Variants in GAREM2 observed in about 807,000 individuals in gnomAD.
GAREM2 encodes the protein GRB2 associated regulator of MAPK1 subtype 2.
In GAREM2, 30 loss-of-function variants were observed where a neutral mutation model predicts 55.6. That is an observed-to-expected ratio of 0.54 (90% CI 0.40 to 0.73). GAREM2 has a LOEUF of 0.73. Ranked by LOEUF, GAREM2 falls within the 30% of genes least tolerant of loss-of-function variation. GAREM2 has a pLI of 0.00. For missense variants in GAREM2, 1,075 were observed against 1,257.7 expected (o/e 0.85, Z 2.20); for synonymous variants, 550 against 569.1 (o/e 0.97, Z 0.48).
At position 26,185,835 on chromosome 2, in the gene GAREM2, C is replaced by T. The variant is rs925581719; in HGVS notation, c.1429-354C>T. On this transcript the variant is annotated intron_variant, in intron 4 of 5. Transcript: ENST00000401533. ...TGGCAGACGCTTCCTTCCCTCTGTC[C>T]CTTCGGCTTTCCTTTGTCCTCTGCT... Among the ~76,000 whole-genome samples the T allele has an allele frequency of 3.9e-5, 6 of 152,302 alleles. No homozygotes were observed. In the South Asian group the frequency reaches 1.2e-3, roughly 32 times the overall value.
intron 2 of GAREM2, among the ~76,000 whole-genome samples, chr2:26,180,071 G>A (rs1574588410): frequency 6.6e-6 from 1 of 152,146 alleles, no homozygotes; most frequent in East Asian, 1.9e-4. Flanking sequence ...GCCCTCTAGG[G>A]CTGTGGCACT....
chr2:26,194,728 T>A, the GAREM2 span: 86 of 863,816 alleles, frequency 1.0e-4, no homozygotes, highest in Admixed American at 1.5e-4. Flanking sequence ...TTCAAAGTCA[T>A]TTGAAAGTCA....
the GAREM2 span, among the ~76,000 whole-genome samples, chr2:26,200,692 T>C: frequency 6.6e-6 from 1 of 152,154 alleles, no homozygotes; most frequent in Non-Finnish European, 1.5e-5. Context: ...ATATGCAGTG[T>C]GCATGAGCAC....
chr2:26,202,167 C>T, the GAREM2 span, among the ~76,000 whole-genome samples: 2 of 152,154 alleles, frequency 1.3e-5, no homozygotes, highest in East Asian at 1.9e-4. Flanking sequence ...ACTTCCCACT[C>T]ATTACCTAGT....
At chr2:26,182,613 C>T in intron 2 of GAREM2, 1 of 942,176 alleles carries the variant, frequency 1.1e-6, no homozygotes, top group South Asian at 1.5e-5. Flanking sequence ...GAGCCAGCAT[C>T]CCGGTACCAC....
At position 26,176,475 on chromosome 2, in the gene GAREM2, C is replaced by A; in HGVS notation, c.244C>A (p.Gln82Lys). The A allele has an allele frequency of 6.5e-7, 1 of 1,546,968 alleles. No individual in the cohort carries two copies. The highest frequency in any genetic ancestry group is 8.7e-7 in the Non-Finnish European group (1 of 1,144,370). ...VIGPKIDIPL[Q>K]YPGKFKLLEQ... The stretch of plus-strand genomic sequence containing the variant: ...CGGGCCCAAGATCGACATCCCCCTG[C>A]AGTACCCAGGTGTGTCCAGCCAGGA... Residue 82 changes from glutamine (Q) to lysine (K), a missense_variant, in exon 2 of 6, where the codon CAG becomes AAG. This residue lies in a region of GAREM2 where 230 missense variants were observed against 310.6 expected (regional missense o/e 0.74). Coordinates refer to ENST00000401533, the MANE Select transcript of GAREM2 (RefSeq NM_001168241.2).
downstream of GAREM2, among the ~76,000 whole-genome samples, chr2:26,192,606 T>TA (rs1669541869): frequency 6.6e-6 from 1 of 151,906 alleles, no homozygotes; most frequent in Non-Finnish European, 1.5e-5. Context: ...GCCAACATGG[T>TA]GAAACCCCAT....
downstream of GAREM2, chr2:26,190,861 G>C (rs886055860): frequency 3.2e-6 from 1 of 312,852 alleles, no homozygotes; most frequent in Non-Finnish European, 6.1e-6. Flanking sequence ...AAACCAGAAG[G>C]GCAAAGATGC....
the GAREM2 span, among the ~76,000 whole-genome samples, chr2:26,196,165 G>C: frequency 6.6e-6 from 1 of 152,136 alleles, no homozygotes; most frequent in African/African-American, 2.4e-5. Context: ...AGGAAAAAAG[G>C]TATCAAGAGG....
rs889078345 is a variant in GAREM2 at position 26,187,535 on chromosome 2, G to C, written c.1903G>C (p.Gly635Arg). ...APFGALNPFS[G>R]PAYPSGPSAA... ...GTTTGGAGCTCTCAACCCTTTTTCC[G>C]GGCCTGCCTACCCCTCAGGCCCTTC... is the stretch of plus-strand genomic sequence containing the variant. Residue 635 changes from glycine (G) to arginine (R), a missense_variant, in exon 6 of 6, where the codon GGG becomes CGG. Gly to Arg is a moderately radical substitution (Grantham distance 125, BLOSUM62 -2). Transcript: ENST00000401533. The C allele has an allele frequency of 7.8e-6, 12 of 1,534,176 alleles. No homozygotes were observed. Among genetic ancestry groups the C allele is most frequent in the Non-Finnish European group, 1.1e-5 (12 of 1,139,690 alleles).
chr2:26,203,923 G>C, the GAREM2 span: 2 of 858,214 alleles, frequency 2.3e-6, no homozygotes, highest in African/African-American at 1.7e-5. Flanking sequence ...GGAGTATCTA[G>C]AACTCATTAT....
rs1668980394 is a variant in GAREM2, at chr2:26,179,689, A to G, written c.253+3205A>G. Among the ~76,000 whole-genome samples, 1 of 152,014 alleles carries G rather than the reference A, an allele frequency of 6.6e-6. No homozygotes were observed. The highest frequency in any genetic ancestry group is 1.5e-5 in the Non-Finnish European group (1 of 67,990). On this transcript the variant is annotated intron_variant, in intron 2 of 5. Coordinates refer to ENST00000401533, the MANE Select transcript of GAREM2 (RefSeq NM_001168241.2). This position sits in a 1 kb window ranked among gnomAD's most constrained non-coding sequence, Gnocchi z 4.7. ...CCGCCCCTGGGCTGGCGGGGAGGAA[A>G]AGGCTTCCAGGGTCCAGAGCATCAC...
downstream of GAREM2, among the ~76,000 whole-genome samples, chr2:26,192,019 A>G (rs1669521405): frequency 6.6e-6 from 1 of 152,188 alleles, no homozygotes; most frequent in Non-Finnish European, 1.5e-5. Flanking sequence ...CCTTCACCAG[A>G]CGTGGCCTGG....
chr2:26,173,382 G>A (rs1256533311), intron 1 of GAREM2, 50 bp downstream of exon 1: 2 of 1,094,700 alleles, frequency 1.8e-6, no homozygotes, highest in East Asian at 6.5e-5. Flanking sequence ...GAAATGGTGG[G>A]CTCTCCAGCC....
rs1484475515 is a variant in GAREM2, at chr2:26,187,889, G to C, written c.2257G>C (p.Val753Leu). The C allele has an allele frequency of 2.8e-6, 4 of 1,438,242 alleles. No homozygotes were observed. The highest frequency in any genetic ancestry group is 2.8e-6 in the Non-Finnish European group (3 of 1,090,878). The allele number at this position is 1,438,242 out of a possible 1,614,324, so 89.1% of individuals were successfully genotyped here. ...FEPEGLVLHQ[V>L]PTPLSPAALQ... ...GCCTGAAGGTTTGGTGCTGCACCAG[G>C]TCCCCACCCCACTGTCACCAGCTGC... is the stretch of plus-strand genomic sequence containing the variant. The change falls in exon 6 of 6, where the codon GTC becomes CTC. Residue 753 changes from valine to leucine, a missense_variant. Val to Leu is a conservative substitution (Grantham distance 32). Coordinates refer to ENST00000401533, the MANE Select transcript of GAREM2 (RefSeq NM_001168241.2).
Position 26,186,283 on chromosome 2 carries a change from C to A in GAREM2, c.1523C>A (p.Pro508His). The change falls in exon 5 of 6, where the codon CCT (proline) becomes CAT (histidine). Residue 508 changes from proline (P) to histidine (H), a missense_variant. This residue lies in a region of GAREM2 where 515 missense variants were observed against 501.5 expected (regional missense o/e 1.03). Transcript: ENST00000401533. Reference sequence around the variant, plus strand: ...CTCTCCAGCAGCCCCCCGGTTCCCCCTCGCTTCCCCAAGCTGCAGCCGGTA... The same window carrying A: ...CTCTCCAGCAGCCCCCCGGTTCCCCATCGCTTCCCCAAGCTGCAGCCGGTA... ...GRLSSSPPVPPRFPKLQPVHS... is the reference protein window; with the variant it reads ...GRLSSSPPVPHRFPKLQPVHS... 1 of 1,551,264 alleles carries A rather than the reference C, an allele frequency of 6.4e-7. No homozygotes were observed. The highest frequency in any genetic ancestry group is 8.7e-7 in the Non-Finnish European group (1 of 1,146,842).
intron 1 of GAREM2, among the ~76,000 whole-genome samples, chr2:26,175,045 C>A (rs1467984554): frequency 6.6e-6 from 1 of 152,010 alleles, no homozygotes; most frequent in Non-Finnish European, 1.5e-5. Flanking sequence ...CCAGGCCCTT[C>A]CTGTGCGTCT....
Position 26,188,003 on chromosome 2 carries a change from G to C in GAREM2, c.2371G>C (p.Gly791Arg). 6.7e-7 allele frequency: 1 copy of C among 1,483,684 alleles called. No individual in the cohort carries two copies. The highest frequency in any genetic ancestry group is 1.4e-5 in the South Asian group (1 of 73,242). The allele number at this position is 1,483,684 out of a possible 1,614,324, so 91.9% of individuals were successfully genotyped here. Residue 791 changes from glycine (G) to arginine (R), a missense_variant, in exon 6 of 6, where the codon GGC becomes CGC. Gly to Arg is a moderately radical substitution (Grantham distance 125). Transcript: ENST00000401533. The part of the protein sequence containing the change: ...PPASPRDGAT[G>R]FGVRDASSWQ... ...TGCCAGTCCCCGGGATGGAGCCACA[G>C]GCTTTGGAGTCCGAGATGCCTCCTC...
chr2:26,196,286 A>T, the GAREM2 span, among the ~76,000 whole-genome samples: 1 of 152,250 alleles, frequency 6.6e-6, no homozygotes, highest in Admixed American at 6.5e-5. Context: ...ATGTAAACTT[A>T]TCAATCCAAA....
Sources: gnomAD v4.1 joint callset for allele counts (sites outside exome capture counted in the v4.1 genomes callset) on GRCh38, gnomAD v4.1.1 for gene constraint, gnomAD v4.1.1 regional missense constraint, Gnocchi (gnomAD v3.1) non-coding constraint, MANE v1.5 for transcripts, NCBI Gene and HGNC (gene_info 2026-07-23, HGNC 2026-07-21) for gene names.